The following PTPRD variants were observed in gnomAD, a reference collection of about 807,000 sequenced individuals.
PTPRD encodes the protein protein tyrosine phosphatase receptor type D.
A neutral mutation model predicts 214.5 loss-of-function variants in PTPRD; 34 were observed. That is an observed-to-expected ratio of 0.16 (90% CI 0.12 to 0.21). PTPRD has a LOEUF of 0.21. Among genes scored for constraint, PTPRD ranks in the 10% least tolerant of loss-of-function variants. The pLI, the probability that PTPRD is intolerant of heterozygous loss-of-function variation, is 1.00. For missense variants in PTPRD, 2,545 were observed against 2,398.7 expected (o/e 1.06, Z -1.27); for synonymous variants, 1,128 against 845.7 (o/e 1.33, Z -5.79).
intron 2 of PTPRD, among the ~76,000 whole-genome samples, chr9:10,521,906 A>C (rs1025863861): frequency 6.6e-6 from 1 of 152,162 alleles, no homozygotes; most frequent in Admixed American, 6.6e-5. Flanking sequence ...AATATGTACA[A>C]TGTGCTTTTT....
intron 9 of PTPRD, among the ~76,000 whole-genome samples, chr9:9,269,797 C>A (rs942364607): frequency 4.6e-5 from 7 of 150,994 alleles, no homozygotes; most frequent in African/African-American, 1.7e-4. Context: ...TACATGCAAT[C>A]TAAAAAAGAT....
intron 2 of PTPRD, among the ~76,000 whole-genome samples, chr9:10,367,879 A>C (rs184572173): frequency 1.3e-5 from 2 of 152,282 alleles, no homozygotes; most frequent in African/African-American, 4.8e-5. Flanking sequence ...GCTATAAAAA[A>C]GGGTTAAGAA....
intron 2 of PTPRD, among the ~76,000 whole-genome samples, chr9:10,478,444 C>A (rs1183045157): frequency 6.6e-6 from 1 of 152,106 alleles, no homozygotes; most frequent in Non-Finnish European, 1.5e-5. Context: ...CTTAGCATTT[C>A]CCAGTGGAAG....
At chr9:8,340,976 G>T in intron 41 of PTPRD, 114 bp downstream of exon 41, 1 of 1,038,952 alleles carries the variant, frequency 9.6e-7, no homozygotes, top group Non-Finnish European at 1.4e-6. Context: ...ACTAAATGAT[G>T]ACCTATGCAG....
intron 21 of PTPRD, among the ~76,000 whole-genome samples, chr9:8,517,549 T>A (rs1157931678): frequency 6.6e-6 from 1 of 152,228 alleles, no homozygotes; most frequent in African/African-American, 2.4e-5. Context: ...AGTGTCGTTT[T>A]TCTATTCTCA....
intron 5 of PTPRD, among the ~76,000 whole-genome samples, chr9:9,806,540 T>C (rs1002115308): frequency 6.6e-6 from 1 of 152,102 alleles, no homozygotes; most frequent in Non-Finnish European, 1.5e-5. Flanking sequence ...ATCCATCCCC[T>C]GCCCGCAAAA....
intron 4 of PTPRD, among the ~76,000 whole-genome samples, chr9:9,968,331 T>G (rs567720194): frequency 1.6e-4 from 24 of 152,276 alleles, no homozygotes; most frequent in African/African-American, 5.1e-4. Context: ...GTACAACCCC[T>G]AAAACGTCAT....
At chr9:10,564,951 T>C (rs1244750159) in intron 2 of PTPRD, among the ~76,000 whole-genome samples, 1 of 152,148 alleles carries the variant, frequency 6.6e-6, no homozygotes, top group Admixed American at 6.6e-5. Flanking sequence ...GTTGACTATA[T>C]TAGGGCATGA....
chr9:8,844,385 A>T (rs1419482901), intron 11 of PTPRD, among the ~76,000 whole-genome samples: 1 of 152,186 alleles, frequency 6.6e-6, no homozygotes, highest in African/African-American at 2.4e-5. Flanking sequence ...AATATATTTT[A>T]AAAAATTGTT....
chr9:9,789,117 C>T (rs1459034020), intron 5 of PTPRD, among the ~76,000 whole-genome samples: 1 of 152,184 alleles, frequency 6.6e-6, no homozygotes, highest in East Asian at 1.9e-4. Context: ...CCTTTCCATA[C>T]ATAGTATTTA....
At chr9:8,591,212 GCAA>G (rs2154264340) in intron 14 of PTPRD, among the ~76,000 whole-genome samples, 1 of 152,272 alleles carries the variant, frequency 6.6e-6, no homozygotes, top group South Asian at 2.1e-4. Flanking sequence ...AACTGCATCT[GCAA>G]CCTTAATTTC....
At chr9:8,887,845 C>T (rs1255118189) in intron 11 of PTPRD, among the ~76,000 whole-genome samples, 2 of 152,202 alleles carry the variant, frequency 1.3e-5, no homozygotes, top group African/African-American at 4.8e-5. Context: ...TTCCCCGCCA[C>T]TTTCAGCAAT....
chr9:8,673,675 A>T (rs2097335770), intron 12 of PTPRD, among the ~76,000 whole-genome samples: 1 of 152,006 alleles, frequency 6.6e-6, no homozygotes, highest in South Asian at 2.1e-4. Context: ...TTGACCTCGT[A>T]TATTTATTCT....
rs1383375476 is a variant in PTPRD, at chr9:9,185,078, A to G, written c.-202-1715T>C. Among the ~76,000 whole-genome samples, 3 of 152,166 alleles carry G rather than the reference A, an allele frequency of 2.0e-5. No individual in the cohort carries two copies. In the East Asian group the frequency reaches 5.8e-4, roughly 30 times the overall value. On this transcript the variant is annotated intron_variant, in intron 9 of 45. Transcript: ENST00000381196. The stretch of plus-strand genomic sequence containing the variant: ...AGAGCATTGCACAACCTTAGTCAGA[A>G]GTAATGGGCTTGGAAGCTCCTTGCT...
intron 11 of PTPRD, among the ~76,000 whole-genome samples, chr9:8,952,756 G>C (rs1289483470): frequency 6.6e-6 from 1 of 151,830 alleles, no homozygotes; most frequent in South Asian, 2.1e-4. Flanking sequence ...TTGAATTCTA[G>C]GTAGAAGTGA....
chr9:9,928,543 A>G (rs994708696), intron 5 of PTPRD, among the ~76,000 whole-genome samples: 1 of 152,188 alleles, frequency 6.6e-6, no homozygotes, highest in Non-Finnish European at 1.5e-5. Context: ...ATATTTCACT[A>G]TGGGAACAAC....
At chr9:9,557,020 C>T (rs568988747) in intron 8 of PTPRD, among the ~76,000 whole-genome samples, 22 of 152,244 alleles carry the variant, frequency 1.4e-4, no homozygotes, top group Middle Eastern at 3.4e-3. Context: ...GTGCTTTATC[C>T]ACAGAATGCT....
chr9:9,119,989 G>T (rs1473208569), intron 10 of PTPRD, among the ~76,000 whole-genome samples: 1 of 152,080 alleles, frequency 6.6e-6, no homozygotes, highest in African/African-American at 2.4e-5. Flanking sequence ...CAAATAAAAA[G>T]AAATTTGTGT....
chr9:9,912,625 A>G (rs1010782478), intron 5 of PTPRD, among the ~76,000 whole-genome samples: 1 of 152,182 alleles, frequency 6.6e-6, no homozygotes, highest in African/African-American at 2.4e-5. Flanking sequence ...GAAGCCTGAC[A>G]CGTGAGTTTG....
Sources: gnomAD v4.1 joint callset for allele counts (sites outside exome capture counted in the v4.1 genomes callset) on GRCh38, gnomAD v4.1.1 for gene constraint, MANE v1.5 for transcripts, NCBI Gene and HGNC (gene_info 2026-07-23, HGNC 2026-07-21) for gene names.